HACE1: variants seen among roughly 807,000 people sequenced by gnomAD.
HACE1 encodes the protein HECT domain and ankyrin repeat containing E3 ubiquitin protein ligase 1, also known as E3 ubiquitin-protein ligase HACE1.
HACE1 carries 73 observed loss-of-function variants against 118.4 expected under a neutral mutation model. The observed-to-expected ratio is 0.62, with a 90% CI of 0.51 to 0.75. The LOEUF is 0.75. Among genes scored for constraint, HACE1 ranks in the 30% least tolerant of loss-of-function variants. HACE1 has a pLI of 0.00. For synonymous variants in HACE1, 368 were observed against 374.8 expected, an observed-to-expected ratio of 0.98 and a Z score of 0.21; for missense variants, 749 against 1,102.2, an observed-to-expected ratio of 0.68 and a Z score of 4.54.
intron 17 of HACE1, among the ~76,000 whole-genome samples, chr6:104,774,112 C>G (rs1461521180): frequency 1.7e-5 from 1 of 60,594 alleles, no homozygotes; most frequent in Non-Finnish European, 2.7e-5. Context: ...TTTTTTGAGA[C>G]GGAGTCTCGC....
intron 17 of HACE1, among the ~76,000 whole-genome samples, chr6:104,772,819 G>T (rs1348689473): frequency 6.6e-6 from 1 of 152,108 alleles, no homozygotes; most frequent in Non-Finnish European, 1.5e-5. Context: ...TTATAGATAG[G>T]TAAAGTAGAT....
At chr6:104,738,523 A>T (rs1180912000) in intron 22 of HACE1, among the ~76,000 whole-genome samples, 10 of 150,182 alleles carry the variant, frequency 6.7e-5, no homozygotes, top group Admixed American at 2.0e-4. Flanking sequence ...TGAAGAATGC[A>T]GAAGCCTCAG....
At chr6:104,853,485 G>T (rs1233324159) in intron 1 of HACE1, among the ~76,000 whole-genome samples, 6 of 152,008 alleles carry the variant, frequency 3.9e-5, no homozygotes, top group Admixed American at 3.3e-4. Context: ...TATTTTGGAG[G>T]TTTATGTTTT....
chr6:104,773,943 C>T (rs1048298378), intron 17 of HACE1, among the ~76,000 whole-genome samples: 19 of 151,920 alleles, frequency 1.3e-4, no homozygotes, highest in African/African-American at 4.6e-4. Context: ...TCCTAGTATA[C>T]AATAATATCA....
chr6:104,840,672 T>C (rs1320307067), intron 5 of HACE1, among the ~76,000 whole-genome samples: 1 of 143,858 alleles, frequency 7.0e-6, no homozygotes, highest in Non-Finnish European at 1.5e-5. Context: ...CTATTAAAAA[T>C]ACAAAAAAAG....
At chr6:104,826,611 A>G (rs1773356605) in intron 6 of HACE1, among the ~76,000 whole-genome samples, 1 of 152,230 alleles carries the variant, frequency 6.6e-6, no homozygotes, top group Non-Finnish European at 1.5e-5. Flanking sequence ...ACTTGCTAAA[A>G]TTAAGCGCAG....
intron 19 of HACE1, among the ~76,000 whole-genome samples, chr6:104,757,805 G>A (rs1030789521): frequency 1.2e-4 from 18 of 152,106 alleles, no homozygotes; most frequent in African/African-American, 3.9e-4. Flanking sequence ...TTGAAAAAAG[G>A]TTAAACGAAT....
intron 19 of HACE1, among the ~76,000 whole-genome samples, chr6:104,770,591 C>T (rs1780497907): frequency 6.6e-6 from 1 of 151,924 alleles, no homozygotes; most frequent in Non-Finnish European, 1.5e-5. Flanking sequence ...TGGTGGCGCA[C>T]CCCTGTAATC....
intron 14 of HACE1, 31 bp downstream of exon 14, chr6:104,784,051 TTAGA>T (rs764571580): frequency 4.6e-5 from 46 of 994,194 alleles, no homozygotes; most frequent in Non-Finnish European, 6.3e-5. Context: ...ATTAATTTCA[TTAGA>T]TAGAATAAAA....
At chr6:104,811,533 A>T (rs1771625322) in intron 6 of HACE1, 140 bp from the exon 7 acceptor site, 1 of 580,580 alleles carries the variant, frequency 1.7e-6, no homozygotes, top group South Asian at 1.5e-5. Flanking sequence ...CGTGACAATT[A>T]CTATGGCTGA....
chr6:104,849,221 A>C lies in HACE1; in HGVS notation c.247T>G (p.Leu83Val). Residue 83 changes from leucine to valine, a missense_variant, in exon 4 of 24, where the codon TTG becomes GTG. Physicochemically the swap from Leu to Val is conservative, Grantham distance 32. Coordinates refer to ENST00000262903, the MANE Select transcript of HACE1 (RefSeq NM_020771.4). ...GGATTTGCTCCTTTCTTTAACAGCA[A>C]AACCAAGCATTCCACCGATCCACAA... is the stretch of plus-strand genomic sequence containing the variant. ...ANCGSVECLVLLLKKGANPNY... is the reference protein window; with the variant it reads ...ANCGSVECLVVLLKKGANPNY... 6.2e-7 allele frequency: 1 copy of C among 1,607,322 alleles called. No homozygotes were observed. Among genetic ancestry groups the C allele is most frequent in the Non-Finnish European group, 8.5e-7 (1 of 1,173,798 alleles).
intron 6 of HACE1, among the ~76,000 whole-genome samples, chr6:104,822,277 G>A (rs1772827852): frequency 6.6e-6 from 1 of 151,104 alleles, no homozygotes; most frequent in African/African-American, 2.4e-5. Flanking sequence ...CAGCTACTCA[G>A]GAGGCTGAGG....
Position 104,795,636 on chromosome 6 carries a change from A to G in HACE1, c.866T>C (p.Leu289Pro). Residue 289 changes from leucine (L) to proline (P), a missense_variant, in exon 10 of 24, where the codon CTA (leucine) becomes CCA (proline). Transcript: ENST00000262903. The stretch of plus-strand genomic sequence containing the variant: ...TTCAGCAAGGCTTGTTAGAATCTTT[A>G]GGTACTGGCTTTCACTTTGCTGAGA... ...HLSQQSESQYLKILTSLAEVA... is the reference protein window; with the variant it reads ...HLSQQSESQYPKILTSLAEVA... 1 of 1,613,390 alleles carries G rather than the reference A, an allele frequency of 6.2e-7. No homozygotes were observed. Among genetic ancestry groups the G allele is most frequent in the South Asian group, 1.1e-5 (1 of 91,062 alleles).
At chr6:104,757,101 C>G (rs1043317953) in intron 19 of HACE1, among the ~76,000 whole-genome samples, 1 of 152,194 alleles carries the variant, frequency 6.6e-6, no homozygotes, top group Admixed American at 6.5e-5. Context: ...TCAGCAAGGC[C>G]TACTGCCTCT....
intron 19 of HACE1, among the ~76,000 whole-genome samples, chr6:104,755,769 G>A (rs1401512276): frequency 6.6e-6 from 1 of 152,196 alleles, no homozygotes; most frequent in South Asian, 2.1e-4. Flanking sequence ...TCTCTGGGAT[G>A]CAGCTAAAGC....
chr6:104,829,192 G>C (rs1182555102), intron 6 of HACE1, among the ~76,000 whole-genome samples: 1 of 152,070 alleles, frequency 6.6e-6, no homozygotes, highest in Admixed American at 6.6e-5. Flanking sequence ...AGGCCATTCT[G>C]ACTTGCCACT....
chr6:104,829,820 A>G (rs1773681304), intron 6 of HACE1, among the ~76,000 whole-genome samples: 1 of 152,142 alleles, frequency 6.6e-6, no homozygotes, highest in South Asian at 2.1e-4. Flanking sequence ...AAATCTTCTG[A>G]GAATACAATT....
chr6:104,748,681 C>A (rs752304848), intron 20 of HACE1, among the ~76,000 whole-genome samples: 2 of 152,058 alleles, frequency 1.3e-5, no homozygotes, highest in Non-Finnish European at 2.9e-5. Context: ...AAATGTTCAT[C>A]AAGAGTAGAA....
At chr6:104,771,700 A>C (rs1041968924) in intron 18 of HACE1, among the ~76,000 whole-genome samples, 2 of 149,590 alleles carry the variant, frequency 1.3e-5, no homozygotes, top group African/African-American at 4.9e-5. Context: ...ACACACACAA[A>C]AATTGAAAAA....
Sources: gnomAD v4.1 joint callset for allele counts (sites outside exome capture counted in the v4.1 genomes callset) on GRCh38, gnomAD v4.1.1 for gene constraint, MANE v1.5 for transcripts, NCBI Gene and HGNC (gene_info 2026-07-23, HGNC 2026-07-21) for gene names.